HSF5: variants seen among roughly 807,000 people sequenced by gnomAD.
HSF5 encodes heat shock factor protein 5.
A neutral mutation model predicts 50.8 loss-of-function variants in HSF5; 5 were observed. The observed-to-expected ratio is 0.10, with a 90% CI of 0.05 to 0.21. HSF5 has a LOEUF of 0.21. HSF5 is among the 10% of genes least tolerant of loss of function. The pLI, the probability that HSF5 is intolerant of heterozygous loss-of-function variation, is 1.00. For missense variants in HSF5, 564 were observed against 762.6 expected (o/e 0.74, Z 3.07); for synonymous variants, 307 against 307.4 (o/e 1.00, Z 0.02).
At chr17:58,438,166 C>A (rs1974451147) in intron 5 of HSF5, among the ~76,000 whole-genome samples, 1 of 152,042 alleles carries the variant, frequency 6.6e-6, no homozygotes, top group Non-Finnish European at 1.5e-5. Context: ...GATGATGATT[C>A]TGTAAGATTG....
intron 5 of HSF5, among the ~76,000 whole-genome samples, chr17:58,433,218 C>T (rs188548707): frequency 3.9e-4 from 60 of 152,286 alleles, no homozygotes; most frequent in African/African-American, 1.1e-3. Context: ...CCAAGCTAGT[C>T]TCGCTTAAGC....
chr17:58,487,846 C>T lies in HSF5; in HGVS notation c.429G>A (p.Glu143=), dbSNP rs1975211816. The change falls in exon 1 of 6, where the codon GAG becomes GAA. Residue 143 remains glutamate, a synonymous_variant. Coordinates refer to ENST00000323777, the MANE Select transcript of HSF5 (RefSeq NM_001080439.3). The stretch of plus-strand genomic sequence containing the variant: ...AGCGGTTGGGCGGGCGGCAGGGCAC[C>T]TCCAGGCCGGCCGCCAGCTTGGCCT... ...ANKAKLAAGL[E]VPCRPPNRFQ... 6.3e-7 allele frequency: 1 copy of T among 1,592,526 alleles called. No individual in the cohort carries two copies. The highest frequency in any genetic ancestry group is 2.3e-5 in the East Asian group (1 of 43,820).
chr17:58,481,143 G>C (rs999680884), intron 1 of HSF5, among the ~76,000 whole-genome samples: 2 of 152,136 alleles, frequency 1.3e-5, no homozygotes, highest in Non-Finnish European at 2.9e-5. Context: ...TGAAAAGTTT[G>C]ACTTAGTTTC....
At chr17:58,460,212 TCTCA>T (rs57139835) in intron 4 of HSF5, among the ~76,000 whole-genome samples, 2,332 of 151,926 alleles carry the variant, frequency 0.015, 79 homozygotes, top group African/African-American at 0.054. Context: ...AGGGATAGAC[TCTCA>T]CTATGTTGCC....
intron 5 of HSF5, among the ~76,000 whole-genome samples, chr17:58,439,137 T>C (rs546829938): frequency 6.7e-6 from 1 of 150,058 alleles, no homozygotes; most frequent in Admixed American, 6.7e-5. Flanking sequence ...AAAAAAAAAA[T>C]AATAATAAAT....
intron 1 of HSF5, among the ~76,000 whole-genome samples, chr17:58,483,871 T>TA (rs1975132001): frequency 6.6e-6 from 1 of 152,024 alleles, no homozygotes; most frequent in Non-Finnish European, 1.5e-5. Flanking sequence ...GAGAGAGAAG[T>TA]ATTCAACCCA....
chr17:58,481,238 C>G lies in HSF5; in HGVS notation c.551-971G>C, dbSNP rs185545006. Among the ~76,000 whole-genome samples the G allele has an allele frequency of 2.6e-5, 4 of 152,294 alleles. No individual in the cohort carries two copies. The East Asian group carries it at 7.7e-4, about 29-fold the overall frequency. On this transcript the variant is annotated intron_variant, in intron 1 of 5. Transcript: ENST00000323777. Reference sequence around the variant, plus strand: ...TCCAGTAGTATCCTTTCCCAGATATCAGTGGCTCTCAAACATTGGTTTACA... The same window carrying G: ...TCCAGTAGTATCCTTTCCCAGATATGAGTGGCTCTCAAACATTGGTTTACA...
At chr17:58,441,470 A>G (rs1974496923) in intron 5 of HSF5, among the ~76,000 whole-genome samples, 1 of 152,198 alleles carries the variant, frequency 6.6e-6, no homozygotes, top group South Asian at 2.1e-4. Context: ...AAAAGGAAGA[A>G]GAAAGTAAAC....
chr17:58,476,489 T>C, intron 2 of HSF5: 2 of 1,118,198 alleles, frequency 1.8e-6, no homozygotes, highest in Non-Finnish European at 2.7e-6. Flanking sequence ...TCAGTGGACT[T>C]TGAAGATGGA....
chr17:58,481,417 A>C (rs1040756914), intron 1 of HSF5, among the ~76,000 whole-genome samples: 1 of 152,238 alleles, frequency 6.6e-6, no homozygotes, highest in African/African-American at 2.4e-5. Flanking sequence ...GGAAGGGAGA[A>C]TATAAATGAT....
intron 2 of HSF5, chr17:58,476,634 A>C: frequency 6.5e-7 from 1 of 1,549,504 alleles, no homozygotes; most frequent in South Asian, 1.1e-5. Flanking sequence ...TGGTCAAATA[A>C]TGCAGTGCCT....
chr17:58,485,373 A>C (rs1310159547), intron 1 of HSF5, among the ~76,000 whole-genome samples: 1 of 152,188 alleles, frequency 6.6e-6, no homozygotes, highest in Non-Finnish European at 1.5e-5. Context: ...ATACTGCTTC[A>C]TATCATGGAC....
intron 5 of HSF5, among the ~76,000 whole-genome samples, chr17:58,422,871 T>A (rs1444971881): frequency 6.6e-6 from 1 of 152,038 alleles, no homozygotes; most frequent in Non-Finnish European, 1.5e-5. Flanking sequence ...AATTTTTATA[T>A]TTTTAGTGGA....
intron 5 of HSF5, among the ~76,000 whole-genome samples, chr17:58,452,272 AAAAG>A (rs991566326): frequency 1.1e-3 from 165 of 152,240 alleles, no homozygotes; most frequent in African/African-American, 3.2e-3. Context: ...AAAAAAACAA[AAAAG>A]AAAGAAAGAA....
At chr17:58,439,023 TG>T (rs1238328630) in intron 5 of HSF5, among the ~76,000 whole-genome samples, 4 of 151,436 alleles carry the variant, frequency 2.6e-5, no homozygotes, top group African/African-American at 9.7e-5. Flanking sequence ...TTTGGGGGGT[TG>T]GGGGTAGGTT....
intron 5 of HSF5, among the ~76,000 whole-genome samples, chr17:58,437,608 T>C (rs927403451): frequency 1.3e-5 from 2 of 152,208 alleles, no homozygotes; most frequent in South Asian, 2.1e-4. Context: ...TCCAGACTTT[T>C]TTCTATAATT....
chr17:58,441,179 T>C (rs1974494060), intron 5 of HSF5, among the ~76,000 whole-genome samples: 1 of 152,096 alleles, frequency 6.6e-6, no homozygotes, highest in Non-Finnish European at 1.5e-5. Context: ...ACAATTAAAT[T>C]AGAAATCGAT....
chr17:58,467,744 C>T (rs1974887922), intron 2 of HSF5, among the ~76,000 whole-genome samples: 1 of 152,218 alleles, frequency 6.6e-6, no homozygotes, highest in African/African-American at 2.4e-5. Flanking sequence ...ATTATTTTAA[C>T]TGAAGAAACA....
At chr17:58,460,018 A>G (rs1974769712) in intron 4 of HSF5, among the ~76,000 whole-genome samples, 1 of 151,938 alleles carries the variant, frequency 6.6e-6, no homozygotes, top group South Asian at 2.1e-4. Flanking sequence ...TGTTTATAAA[A>G]TACAAATTTC....
Sources: allele counts gnomAD v4.1 joint callset (sites outside exome capture counted in the v4.1 genomes callset), GRCh38; gene constraint gnomAD v4.1.1; transcripts MANE v1.5; gene names NCBI Gene and HGNC (gene_info 2026-07-23, HGNC 2026-07-21).